Variants in CFAP58 observed in about 807,000 individuals in gnomAD.
CFAP58 encodes the protein cilia and flagella associated protein 58, also known as cilia- and flagella-associated protein 58.
A neutral mutation model predicts 119.5 loss-of-function variants in CFAP58; 88 were observed. That is an observed-to-expected ratio of 0.74 (90% CI 0.62 to 0.88). The LOEUF (loss-of-function observed/expected upper bound fraction) is 0.88, where lower values mean the gene tolerates loss of function less well. Ranked by LOEUF, CFAP58 falls within the 40% of genes least tolerant of loss-of-function variation. CFAP58 has a pLI of 0.00. For missense variants in CFAP58, 990 were observed against 1,021.2 expected (o/e 0.97, Z 0.42); for synonymous variants, 365 against 366.3 (o/e 1.00, Z 0.04).
chr10:104,447,852 G>T, intron 16 of CFAP58, 35 bp downstream of exon 16: 14 of 1,567,310 alleles, frequency 8.9e-6, no homozygotes, highest in Non-Finnish European at 1.2e-5. Flanking sequence ...CGGGTTCCAG[G>T]GCAGCCACAC....
intron 15 of CFAP58, among the ~76,000 whole-genome samples, chr10:104,438,352 T>G (rs11812513): frequency 7.8e-5 from 3 of 38,546 alleles, no homozygotes; most frequent in African/African-American, 4.0e-4. Flanking sequence ...TTTTTTGTTT[T>G]TTTTTTTTGT....
At chr10:104,402,491 A>C (rs1378106081) in intron 13 of CFAP58, among the ~76,000 whole-genome samples, 1 of 152,226 alleles carries the variant, frequency 6.6e-6, no homozygotes, top group Non-Finnish European at 1.5e-5. Context: ...GCACCCCTGC[A>C]GCAGGCGAGG....
intron 15 of CFAP58, among the ~76,000 whole-genome samples, chr10:104,432,491 G>A (rs1228935960): frequency 6.6e-6 from 1 of 151,700 alleles, no homozygotes; most frequent in African/African-American, 2.4e-5. Flanking sequence ...GTGTTAAAAT[G>A]TGGGTGTAAT....
intron 1 of CFAP58, among the ~76,000 whole-genome samples, chr10:104,357,391 G>A (rs1366917579): frequency 1.3e-5 from 2 of 152,150 alleles, no homozygotes; most frequent in African/African-American, 2.4e-5. Flanking sequence ...AATCTCTTTT[G>A]GGAGATAAGT....
At chr10:104,418,013 A>C (rs974034005) in intron 15 of CFAP58, among the ~76,000 whole-genome samples, 2 of 152,214 alleles carry the variant, frequency 1.3e-5, no homozygotes, top group Admixed American at 6.5e-5. Context: ...AGTGATTAGA[A>C]AAAAATCACA....
chr10:104,403,483 C>A (rs1386124829), intron 13 of CFAP58, among the ~76,000 whole-genome samples: 1 of 150,562 alleles, frequency 6.6e-6, no homozygotes, highest in East Asian at 1.9e-4. Flanking sequence ...GTATCCAGAA[C>A]CATGACTCTG....
intron 15 of CFAP58, among the ~76,000 whole-genome samples, chr10:104,444,176 A>G (rs1172413251): frequency 1.3e-5 from 2 of 152,134 alleles, no homozygotes; most frequent in South Asian, 2.1e-4. Flanking sequence ...TCACCAGAAA[A>G]CTCGGAATAA....
At chr10:104,373,906 A>G (rs2133001639) in intron 7 of CFAP58, among the ~76,000 whole-genome samples, 1 of 152,044 alleles carries the variant, frequency 6.6e-6, no homozygotes, top group Middle Eastern at 3.4e-3. Flanking sequence ...GCCAGAAAAG[A>G]CTCTCGATTA....
intron 8 of CFAP58, among the ~76,000 whole-genome samples, chr10:104,377,728 T>G (rs939548070): frequency 2.0e-5 from 3 of 152,212 alleles, no homozygotes; most frequent in African/African-American, 7.2e-5. Flanking sequence ...CATTAATTCT[T>G]TAGGTTTCCC....
the CFAP58 span, among the ~76,000 whole-genome samples, chr10:104,346,098 T>C: frequency 3.3e-5 from 5 of 152,062 alleles, no homozygotes; most frequent in East Asian, 9.7e-4. Context: ...GAAGGCGAAG[T>C]GTGAGCTGGT....
At chr10:104,367,741 C>A (rs1240472704) in intron 5 of CFAP58, among the ~76,000 whole-genome samples, 1 of 152,146 alleles carries the variant, frequency 6.6e-6, no homozygotes, top group East Asian at 1.9e-4. Flanking sequence ...TTTTATCCTG[C>A]AATTCATTTG....
intron 15 of CFAP58, among the ~76,000 whole-genome samples, chr10:104,425,503 G>A (rs977565618): frequency 2.6e-5 from 4 of 152,292 alleles, no homozygotes; most frequent in South Asian, 2.1e-4. Flanking sequence ...TCCCATAGCC[G>A]CAGCTAACAG....
At chr10:104,351,292 A>G (rs2014456417), upstream of CFAP58, among the ~76,000 whole-genome samples, 1 of 152,230 alleles carries the variant, frequency 6.6e-6, no homozygotes, top group African/African-American at 2.4e-5. Flanking sequence ...ATGAGATGTC[A>G]CTGCACAGTT....
chr10:104,434,236 G>A (rs1442825679), intron 15 of CFAP58, among the ~76,000 whole-genome samples: 1 of 152,190 alleles, frequency 6.6e-6, no homozygotes, highest in Non-Finnish European at 1.5e-5. Flanking sequence ...TATTTTATGG[G>A]TAACTGGATT....
intron 1 of CFAP58, among the ~76,000 whole-genome samples, chr10:104,357,953 A>ACATATGTACACATATATG (rs1564876121): frequency 8.8e-6 from 1 of 113,008 alleles, no homozygotes; most frequent in Non-Finnish European, 1.7e-5. Flanking sequence ...GTACACATAT[A>ACATATGTACACATATATG]TACACATATA....
At chr10:104,431,706 G>C (rs1383570504) in intron 15 of CFAP58, among the ~76,000 whole-genome samples, 1 of 152,092 alleles carries the variant, frequency 6.6e-6, no homozygotes, top group African/African-American at 2.4e-5. Flanking sequence ...GCCTTTTCCA[G>C]AGGCAACTAC....
chr10:104,388,381 A>G (rs1201309710), intron 9 of CFAP58, among the ~76,000 whole-genome samples: 1 of 152,194 alleles, frequency 6.6e-6, no homozygotes, highest in African/African-American at 2.4e-5. Context: ...AATCCTCATA[A>G]TAGCCCTGTG....
At chr10:104,441,201 C>T (rs1188263710) in intron 15 of CFAP58, among the ~76,000 whole-genome samples, 5 of 152,088 alleles carry the variant, frequency 3.3e-5, no homozygotes, top group African/African-American at 4.8e-5. Flanking sequence ...TGAGATTTTG[C>T]CATGTTGGCC....
chr10:104,415,347 C>T (rs992120825), intron 15 of CFAP58, among the ~76,000 whole-genome samples: 10 of 152,078 alleles, frequency 6.6e-5, no homozygotes, highest in East Asian at 5.8e-4. Context: ...GCTCTAGTAC[C>T]GCTGGGATTC....
Sources: gnomAD v4.1 joint callset for allele counts (sites outside exome capture counted in the v4.1 genomes callset) on GRCh38, gnomAD v4.1.1 for gene constraint, MANE v1.5 for transcripts, NCBI Gene and HGNC (gene_info 2026-07-23, HGNC 2026-07-21) for gene names.